The following HNRNPK variants were observed in gnomAD, a reference collection of about 807,000 sequenced individuals.
HNRNPK encodes dC-stretch binding protein.
HNRNPK carries 7 observed loss-of-function variants against 67.0 expected under a neutral mutation model. The observed-to-expected ratio is 0.10, with a 90% CI of 0.06 to 0.20. The LOEUF (loss-of-function observed/expected upper bound fraction) is 0.20, where lower values mean the gene tolerates loss of function less well. Among genes scored for constraint, HNRNPK ranks in the 10% least tolerant of loss-of-function variants. The pLI is 1.00. For missense variants in HNRNPK, 264 were observed against 606.5 expected, an observed-to-expected ratio of 0.44 and a Z score of 5.93; for synonymous variants, 213 against 193.7, an observed-to-expected ratio of 1.10 and a Z score of -0.83.
intron 4 of HNRNPK, 133 bp from the exon 5 acceptor site, chr9:83,977,184 A>C: frequency 2.1e-5 from 14 of 653,344 alleles, no homozygotes; most frequent in Middle Eastern, 2.5e-4. Flanking sequence ...GGGTTGTAAA[A>C]ACGACCAGGC....
Position 83,972,095 on chromosome 9 carries a change from C to T in HNRNPK, c.740G>A (p.Arg247His). 2 of 1,613,806 alleles carry T rather than the reference C, an allele frequency of 1.2e-6. No individual in the cohort carries two copies. Among genetic ancestry groups the T allele is most frequent in the Non-Finnish European group, 8.5e-7 (1 of 1,179,836 alleles). ...GGFTMMFDDR[R>H]GRPVGFPMRG... ...CATGGGAAATCCCACTGGGCGTCCG[C>T]GACGGTCATCAAACATCATTGTAAA... is the stretch of plus-strand genomic sequence containing the variant. The change falls in exon 11 of 17, where the codon CGC (arginine) becomes CAC (histidine). Residue 247 changes from arginine to histidine, a missense_variant. Physicochemically the swap from Arg to His is conservative, Grantham distance 29. Coordinates refer to ENST00000376263, the MANE Select transcript of HNRNPK (RefSeq NM_031263.4).
At chr9:83,974,034 A>G in intron 7 of HNRNPK, 61 bp from the exon 8 acceptor site, 1 of 1,079,372 alleles carries the variant, frequency 9.3e-7, no homozygotes, top group South Asian at 1.3e-5. Flanking sequence ...CTATTGTCGC[A>G]TATATTGGTA....
intron 16 of HNRNPK, 100 bp from the exon 17 acceptor site, chr9:83,969,540 C>A (rs904503323): frequency 1.4e-4 from 105 of 769,518 alleles, no homozygotes; most frequent in Non-Finnish European, 2.3e-4. Context: ...ATGATAAACA[C>A]GTCCATTACA....
intron 15 of HNRNPK, 129 bp from the exon 16 acceptor site, chr9:83,970,460 A>T (rs946689333): frequency 2.7e-6 from 2 of 749,412 alleles, no homozygotes; most frequent in African/African-American, 3.5e-5. Flanking sequence ...CGCTCCCTAA[A>T]CCTGTCAAGG....
intron 9 of HNRNPK, 76 bp downstream of exon 9, chr9:83,973,210 G>A: frequency 1.1e-6 from 1 of 904,646 alleles, no homozygotes; most frequent in Admixed American, 1.9e-5. Context: ...GGGGAAGCGA[G>A]AGAAGCTCAC....
At position 83,970,717 on chromosome 9, in the gene HNRNPK, G is replaced by C. The variant is rs777424249; in HGVS notation, c.1191+20C>G. On this transcript the variant is annotated intron_variant, in intron 15 of 16. Transcript: ENST00000376263. ...TCATAAAAGTGATAAAATGTTCCTG[G>C]TAGTATTAAAGATACTTACATCTTT... is the stretch of plus-strand genomic sequence containing the variant. 29 of 1,313,190 alleles carry C rather than the reference G, an allele frequency of 2.2e-5. No homozygotes were observed. The highest frequency in any genetic ancestry group is 3.7e-5 in the South Asian group (3 of 82,080). 81.3% of individuals were successfully genotyped at this position (1,313,190 alleles called of 1,614,324 possible). A position where few individuals can be genotyped will look rare whatever the true frequency, so the allele number is the denominator to read the frequency against.
rs1956935033 is a variant in HNRNPK at position 83,973,227 on chromosome 9, A to G, written c.516+59T>C. 7 of 990,734 alleles carry G rather than the reference A, an allele frequency of 7.1e-6. No homozygotes were observed. In the East Asian group the frequency reaches 1.7e-4, roughly 24 times the overall value. The allele number at this position is 990,734 out of a possible 1,614,324, so 61.4% of individuals were successfully genotyped here. On this transcript the variant is annotated intron_variant, in intron 9 of 16. Transcript: ENST00000376263. ...GGAAGCGAGAGAAGCTCACAGAAAC[A>G]AGTCTATATGAAAATTTACTTTCCA...
chr9:83,971,678 G>T lies in HNRNPK; in HGVS notation c.1002C>A (p.Asp334Glu). ...DRRGRPGDRYDGMVGFSADET... is the reference protein window; with the variant it reads ...DRRGRPGDRYEGMVGFSADET... ...AATAAACCAAAGTTCTTACCATGCC[G>T]TCGTAACGGTCTCCAGGTCTCCCTC... Residue 334 changes from aspartate to glutamate, a missense_variant, in exon 12 of 17, where the codon GAC becomes GAA. Physicochemically the swap from Asp to Glu is conservative, Grantham distance 45. This residue lies in a region of HNRNPK where 142 missense variants were observed against 256.5 expected (regional missense o/e 0.55). Transcript: ENST00000376263. 1 of 1,613,120 alleles carries T rather than the reference G, an allele frequency of 6.2e-7. No homozygotes were observed. Among genetic ancestry groups the T allele is most frequent in the Non-Finnish European group, 8.5e-7 (1 of 1,179,078 alleles).
intron 15 of HNRNPK, 107 bp from the exon 16 acceptor site, chr9:83,970,438 C>T (rs1161363858): frequency 1.6e-5 from 14 of 879,642 alleles, no homozygotes; most frequent in Admixed American, 2.6e-5. Context: ...AGAATCTTAA[C>T]TGATGATCTA....
chr9:83,976,548 G>A (rs1435042043), intron 5 of HNRNPK: 1 of 152,962 alleles, frequency 6.5e-6, no homozygotes, highest in Non-Finnish European at 1.5e-5. Flanking sequence ...TAAATTCTTT[G>A]TGCTCCATGT....
chr9:83,978,507 T>A, intron 1 of HNRNPK, 55 bp from the exon 2 acceptor site: 1 of 484,590 alleles, frequency 2.1e-6, no homozygotes, highest in Non-Finnish European at 3.1e-6. Context: ...TTACTGAATA[T>A]TTGTTTCCGA....
At chr9:83,978,907 C>A (rs554059213) in intron 1 of HNRNPK, among the ~76,000 whole-genome samples, 1 of 152,262 alleles carries the variant, frequency 6.6e-6, no homozygotes, top group African/African-American at 2.4e-5. Flanking sequence ...ACGGCAATTG[C>A]GAACACATCC....
chr9:83,970,852 A>C (rs751370155), intron 14 of HNRNPK, 33 bp from the exon 15 acceptor site: 2 of 1,607,778 alleles, frequency 1.2e-6, no homozygotes, highest in East Asian at 4.5e-5. Flanking sequence ...AGTTCATTTA[A>C]AAAGTATGAA....
chr9:83,971,098 C>A, intron 13 of HNRNPK, 175 bp downstream of exon 13: 3 of 722,198 alleles, frequency 4.2e-6, no homozygotes, highest in Non-Finnish European at 7.2e-6. Flanking sequence ...AGCACCACTG[C>A]ACCCAGCTTC....
Position 83,969,038 on chromosome 9 carries a change from C to CG in HNRNPK, c.*368_*369insC, listed in dbSNP as rs1440715732. ...TTACTTTTCCTCCCTGTCCCACCCC[C>CG]CAAATGTTACAGTGACCACAAAGCA... On this transcript the variant is annotated 3_prime_UTR_variant, in exon 17 of 17. Transcript: ENST00000376263. 2.6e-6 allele frequency: 1 copy of CG among 392,034 alleles called. No homozygotes were observed. The highest frequency in any genetic ancestry group is 4.4e-5 in the East Asian group (1 of 22,528). The allele number at this position is 392,034 out of a possible 1,614,324, so 24.3% of individuals were successfully genotyped here.
chr9:83,973,093 T>A, intron 9 of HNRNPK, 121 bp from the exon 10 acceptor site: 1 of 787,742 alleles, frequency 1.3e-6, no homozygotes, highest in Non-Finnish European at 2.0e-6. Flanking sequence ...CTTCATTAAT[T>A]ATCACAGGGC....
chr9:83,973,841 A>C, intron 8 of HNRNPK, 61 bp downstream of exon 8: 1 of 1,235,456 alleles, frequency 8.1e-7, no homozygotes, highest in East Asian at 2.3e-5. Context: ...TGTTAAAAAT[A>C]TAATCGATCC....
intron 7 of HNRNPK, among the ~76,000 whole-genome samples, chr9:83,974,269 A>G (rs1956975622): frequency 1.3e-5 from 2 of 148,558 alleles, no homozygotes; most frequent in South Asian, 2.2e-4. Flanking sequence ...CATAAAATAC[A>G]TACTAAACCC....
chr9:83,978,331 TA>T lies in HNRNPK; in HGVS notation c.-28+41del, dbSNP rs55698797. Reference sequence around the variant, plus strand: ...ATTTGGCTTATTGGAAAGCAAGCTGTAAAAAAAAAAAAAAAAAAAAGACATT... The same window carrying T: ...ATTTGGCTTATTGGAAAGCAAGCTGTAAAAAAAAAAAAAAAAAAAGACATT... On this transcript the variant is annotated intron_variant, in intron 2 of 16. Transcript: ENST00000376263. 292,096 of 1,253,670 alleles carry T rather than the reference TA, an allele frequency of 0.23. 5,188 individuals are homozygous for T. The highest frequency in any genetic ancestry group is 0.35 in the African/African-American group (20,684 of 58,270). 77.7% of individuals were successfully genotyped at this position (1,253,670 alleles called of 1,614,324 possible).
Sources: gnomAD v4.1 joint callset for allele counts (sites outside exome capture counted in the v4.1 genomes callset) on GRCh38, gnomAD v4.1.1 for gene constraint, gnomAD v4.1.1 regional missense constraint, MANE v1.5 for transcripts, NCBI Gene and HGNC (gene_info 2026-07-23, HGNC 2026-07-21) for gene names.